The following CHRNA4 variants were observed in gnomAD, a reference collection of about 807,000 sequenced individuals.
CHRNA4 encodes cholinergic receptor nicotinic alpha 4 subunit.
In CHRNA4, 28 loss-of-function variants were observed where a neutral mutation model predicts 48.9. That is an observed-to-expected ratio of 0.57 (90% confidence interval 0.42 to 0.79). The LOEUF (loss-of-function observed/expected upper bound fraction) is 0.79, where lower values mean the gene tolerates loss of function less well. Among genes scored for constraint, CHRNA4 ranks in the 30% least tolerant of loss-of-function variants. The probability of loss-of-function intolerance (pLI) is 0.00; values close to 1 mark genes in which losing one functional copy is unlikely to be tolerated. For missense variants in CHRNA4, 859 were observed against 898.4 expected, an observed-to-expected ratio of 0.96 and a Z score of 0.56; for synonymous variants, 425 against 402.3, an observed-to-expected ratio of 1.06 and a Z score of -0.68.
intron 2 of CHRNA4, 165 bp from the exon 3 acceptor site, chr20:63,356,580 C>A: frequency 1.4e-6 from 1 of 704,940 alleles, no homozygotes; most frequent in South Asian, 1.6e-5. Flanking sequence ...GGCAGCCGAG[C>A]CCAGGATGGG....
chr20:63,355,942 CTGTAGAGGACTCACTTGT>C lies in CHRNA4; in HGVS notation c.383+15_383+32del. 238 of 1,608,880 alleles carry C rather than the reference CTGTAGAGGACTCACTTGT, an allele frequency of 1.5e-4. No individual in the cohort carries two copies. The highest frequency in any genetic ancestry group is 1.1e-3 in the East Asian group (47 of 44,640). On this transcript the variant is annotated intron_variant, in intron 4 of 5. Coordinates refer to ENST00000370263, the MANE Select transcript of CHRNA4 (RefSeq NM_000744.7). The stretch of plus-strand genomic sequence containing the variant: ...CTGGCCACTCCTGCCCACCAAGGCC[CTGTAGAGGACTCACTTGT>C]TGTAGAGGACTCACTTGTTGTAGAG...
At position 63,349,224 on chromosome 20, in the gene CHRNA4, C is replaced by T. The variant is rs139722043; in HGVS notation, c.1758+429G>A. ...CCAGGCCCCAGATACGGAGGGGCCC[C>T]GGGGAGGCCCGCGGGGCAGGCACAG... is the stretch of plus-strand genomic sequence containing the variant. On this transcript the variant is annotated intron_variant, in intron 5 of 5. Transcript: ENST00000370263. Among the ~76,000 whole-genome samples the T allele has an allele frequency of 1.2e-3, 188 of 152,298 alleles. 1 individual carries two copies. Among genetic ancestry groups the T allele is most frequent in the African/African-American group, 4.2e-3 (175 of 41,574 alleles).
Position 63,344,250 on chromosome 20 carries a change from T to C in CHRNA4, c.*2488A>G. 2.2e-6 allele frequency: 1 copy of C among 453,780 alleles called. No individual in the cohort carries two copies. The highest frequency in any genetic ancestry group is 1.6e-5 in the South Asian group (1 of 64,438). The allele number at this position is 453,780 out of a possible 1,614,324, so 28.1% of individuals were successfully genotyped here. On this transcript the variant is annotated 3_prime_UTR_variant, in exon 6 of 6. Coordinates refer to ENST00000370263, the MANE Select transcript of CHRNA4 (RefSeq NM_000744.7). The surrounding 1 kb of genome is among the most constrained non-coding windows in gnomAD (Gnocchi z 4.5). ...CAGGATTCTGACTCCTCGAAGGTCG[T>C]GAGCCGGAGAGGTCAATCCACGGTG...
chr20:63,349,783 C>T lies in CHRNA4; in HGVS notation c.1628G>A (p.Ser543Asn). The change falls in exon 5 of 6, where the codon AGC becomes AAC. Residue 543 changes from serine (S) to asparagine (N), a missense_variant. By Grantham distance (46) the Ser-to-Asn change is conservative. This residue lies in a region of CHRNA4 where 478 missense variants were observed against 455.4 expected (regional missense o/e 1.05). Coordinates refer to ENST00000370263, the MANE Select transcript of CHRNA4 (RefSeq NM_000744.7). ...CKKEPSSVSP[S>N]ATVKTRSTKA... ...GGTGCTGCGGGTCTTGACCGTGGCG[C>T]TCGGGGACACCGAAGAGGGCTCCTT... is the stretch of plus-strand genomic sequence containing the variant. 6.2e-7 allele frequency: 1 copy of T among 1,609,022 alleles called. No homozygotes were observed. The highest frequency in any genetic ancestry group is 8.5e-7 in the Non-Finnish European group (1 of 1,177,010).
rs765179340 is a variant in CHRNA4, at chr20:63,346,358, G to A, written c.*380C>T. The A allele has an allele frequency of 1.1e-5, 5 of 471,034 alleles. No individual in the cohort carries two copies. Among genetic ancestry groups the A allele is most frequent in the South Asian group, 3.1e-5 (2 of 64,622 alleles). 29.2% of individuals were successfully genotyped at this position (471,034 alleles called of 1,614,324 possible). On this transcript the variant is annotated 3_prime_UTR_variant, in exon 6 of 6. Coordinates refer to ENST00000370263, the MANE Select transcript of CHRNA4 (RefSeq NM_000744.7). ...TGAAGGGGCGTGAACTCCCTTCAAGGGCCCCTTGGGGCGGTCGGGACCATC... is the reference window on the plus strand; with the variant it reads ...TGAAGGGGCGTGAACTCCCTTCAAGAGCCCCTTGGGGCGGTCGGGACCATC...
intron 4 of CHRNA4, chr20:63,354,606 G>A (rs1393196195): frequency 5.1e-5 from 15 of 295,620 alleles, no homozygotes; most frequent in Middle Eastern, 1.8e-3. Flanking sequence ...TGCAGTACTC[G>A]GGGGGCTGTG....
At chr20:63,355,624 G>A (rs1182780918) in intron 4 of CHRNA4, 5 of 1,304,568 alleles carry the variant, frequency 3.8e-6, no homozygotes, top group Admixed American at 2.3e-5. Context: ...AAGACGTCGC[G>A]GGTCAGGAGC....
Position 63,349,754 on chromosome 20 carries a change from C to CG in CHRNA4, c.1656_1657insC (p.Ala553ArgfsTer195), listed in dbSNP as rs1027482616. On this transcript the variant is annotated frameshift_variant, in exon 5 of 6. Coordinates refer to ENST00000370263, the MANE Select transcript of CHRNA4 (RefSeq NM_000744.7). LOFTEE classifies it high-confidence loss of function. ...GACAGGGGCAGGTGCGGGGGCGGCG[C>CG]TTTGGTGCTGCGGGTCTTGACCGTG... The CG allele has an allele frequency of 6.2e-7, 1 of 1,611,898 alleles. No homozygotes were observed. The highest frequency in any genetic ancestry group is 1.3e-5 in the African/African-American group (1 of 74,872).
intron 4 of CHRNA4, among the ~76,000 whole-genome samples, chr20:63,351,771 G>A (rs886502139): frequency 6.6e-6 from 1 of 152,236 alleles, no homozygotes; most frequent in African/African-American, 2.4e-5. Flanking sequence ...GGGGACGTGG[G>A]TGTTCTGTCC....
rs201052218 is a variant in CHRNA4, at chr20:63,350,354, G to T, written c.1057C>A (p.Pro353Thr). 2 of 1,613,480 alleles carry T rather than the reference G, an allele frequency of 1.2e-6. No individual in the cohort carries two copies. The highest frequency in any genetic ancestry group is 1.7e-6 in the Non-Finnish European group (2 of 1,180,040). ...GGCCGCTTCATGAGGAGCAGGCGTGGCACGATGTCCAGGAAGACCCTGCGT... is the reference window on the plus strand; with the variant it reads ...GGCCGCTTCATGAGGAGCAGGCGTGTCACGATGTCCAGGAAGACCCTGCGT... ...WVRRVFLDIV[P>T]RLLLMKRPSV... is the part of the protein sequence containing the mutation. The change falls in exon 5 of 6, where the codon CCA becomes ACA. Residue 353 changes from proline (P) to threonine (T), a missense_variant. Pro to Thr is a conservative substitution (Grantham distance 38, BLOSUM62 -1). This residue lies in a region of CHRNA4 where 478 missense variants were observed against 455.4 expected (regional missense o/e 1.05). Coordinates refer to ENST00000370263, the MANE Select transcript of CHRNA4 (RefSeq NM_000744.7).
intron 5 of CHRNA4, 157 bp from the exon 6 acceptor site, chr20:63,347,020 G>A (rs1481477651): frequency 9.1e-7 from 1 of 1,101,362 alleles, no homozygotes; most frequent in Non-Finnish European, 1.3e-6. Flanking sequence ...GCTGCACCGA[G>A]GGGAGGAATT....
Position 63,345,581 on chromosome 20 carries a change from G to A in CHRNA4, c.*1157C>T, listed in dbSNP as rs2068478823. 1 of 445,308 alleles carries A rather than the reference G, an allele frequency of 2.2e-6. No homozygotes were observed. Among genetic ancestry groups the A allele is most frequent in the Non-Finnish European group, 4.5e-6 (1 of 219,814 alleles). 27.6% of individuals were successfully genotyped at this position (445,308 alleles called of 1,614,324 possible). On this transcript the variant is annotated 3_prime_UTR_variant, in exon 6 of 6. Coordinates refer to ENST00000370263, the MANE Select transcript of CHRNA4 (RefSeq NM_000744.7). The surrounding 1 kb of genome is among the most constrained non-coding windows in gnomAD (Gnocchi z 5.4). ...CAGGGGTGAGGCTGTGCTGAGCTCT[G>A]CCTGCCCTGCCAGGACGGAGGGCAT... is the stretch of plus-strand genomic sequence containing the variant.
Position 63,349,885 on chromosome 20 carries a change from GCGCCGGC to G in CHRNA4, c.1519_1525del (p.Ala507ProfsTer56). On this transcript the variant is annotated frameshift_variant, in exon 5 of 6. Coordinates refer to ENST00000370263, the MANE Select transcript of CHRNA4 (RefSeq NM_000744.7). LOFTEE classifies it high-confidence loss of function. ...CGAGTGGGTGTTGCGAGAGGCCAGG[GCGCCGGC>G]AGCCTGGCCATCTGCCTCGGGGGCG... The G allele has an allele frequency of 6.3e-7, 1 of 1,593,836 alleles. No homozygotes were observed. Among genetic ancestry groups the G allele is most frequent in the Non-Finnish European group, 8.6e-7 (1 of 1,168,522 alleles).
In CHRNA4 at chr20:63,359,666, T is replaced by A; in HGVS notation, c.110A>T (p.Glu37Val). The change falls in exon 2 of 6, where the codon GAG becomes GTG. Residue 37 changes from glutamate to valine, a missense_variant. Glu to Val is a moderately radical substitution (Grantham distance 121). Coordinates refer to ENST00000370263, the MANE Select transcript of CHRNA4 (RefSeq NM_000744.7). ...SSHVETRAHA[E>V]ERLLKKLFSG... ...GAAGAGTTTCTTCAGGAGCCGCTCC[T>A]CGGCGTGGGCCCGGGTCTCCACATG... 2 of 1,611,844 alleles carry A rather than the reference T, an allele frequency of 1.2e-6. No individual in the cohort carries two copies. Among genetic ancestry groups the A allele is most frequent in the Non-Finnish European group, 1.7e-6 (2 of 1,179,878 alleles).
intron 4 of CHRNA4, chr20:63,355,772 C>T: frequency 1.2e-6 from 1 of 838,402 alleles, no homozygotes. Flanking sequence ...CCTGGGGGGA[C>T]CCTTCCCTCC....
chr20:63,350,054 G>A lies in CHRNA4; in HGVS notation c.1357C>T (p.His453Tyr). 1.3e-6 allele frequency: 2 copies of A among 1,511,918 alleles called. No homozygotes were observed. The highest frequency in any genetic ancestry group is 1.8e-6 in the Non-Finnish European group (2 of 1,128,986). The allele number at this position is 1,511,918 out of a possible 1,614,324, so 93.7% of individuals were successfully genotyped here. Reference protein sequence around the residue: ...HPSPGPCRPPHGTQAPGLAKA... With the variant: ...HPSPGPCRPPYGTQAPGLAKA... ...GCCAGCCCTGGTGCCTGGGTGCCGTGGGGCGGGCGGCAGGGTCCAGGCGAG... is the reference window on the plus strand; with the variant it reads ...GCCAGCCCTGGTGCCTGGGTGCCGTAGGGCGGGCGGCAGGGTCCAGGCGAG... Residue 453 changes from histidine to tyrosine, a missense_variant, in exon 5 of 6, where the codon CAC (histidine) becomes TAC (tyrosine). His to Tyr is a moderately conservative substitution (Grantham distance 83). Around this residue, in one of 3 missense-constraint regions of CHRNA4, gnomAD observed 478 missense variants for 455.4 expected, o/e 1.05. Transcript: ENST00000370263.
Position 63,355,864 on chromosome 20 carries a change from CGCTGGGCCAG to C in CHRNA4, c.383+101_383+110del, listed in dbSNP as rs1188365297. 30 of 1,451,866 alleles carry C rather than the reference CGCTGGGCCAG, an allele frequency of 2.1e-5. No individual in the cohort carries two copies. The African/African-American group carries it at 2.4e-4, about 12-fold the overall frequency. 89.9% of individuals were successfully genotyped at this position (1,451,866 alleles called of 1,614,324 possible). ...GCATGCATGGGGCTGGCATAGGCCCCGCTGGGCCAGGCTGGGCCTTGGTGGAGCTCCCTGT... is the reference window on the plus strand; with the variant it reads ...GCATGCATGGGGCTGGCATAGGCCCCGCTGGGCCTTGGTGGAGCTCCCTGT... On this transcript the variant is annotated intron_variant, in intron 4 of 5. Transcript: ENST00000370263.
intron 2 of CHRNA4, chr20:63,356,661 G>A (rs1018352983): frequency 8.5e-6 from 5 of 587,166 alleles, no homozygotes; most frequent in East Asian, 5.7e-5. Flanking sequence ...GAGAGGAGTC[G>A]GCGGCCTCAC....
chr20:63,358,887 G>C (rs2068758043), intron 2 of CHRNA4, among the ~76,000 whole-genome samples: 1 of 152,158 alleles, frequency 6.6e-6, no homozygotes, highest in South Asian at 2.1e-4. Flanking sequence ...TCTCAACCGA[G>C]CACAAGGCCG....
Sources: gnomAD v4.1 joint callset for allele counts (sites outside exome capture counted in the v4.1 genomes callset) on GRCh38, gnomAD v4.1.1 for gene constraint, gnomAD v4.1.1 regional missense constraint, Gnocchi (gnomAD v3.1) non-coding constraint, MANE v1.5 for transcripts, NCBI Gene and HGNC (gene_info 2026-07-23, HGNC 2026-07-21) for gene names.